Variants in SLC25A29 observed in about 807,000 individuals in gnomAD.
SLC25A29 encodes the protein mitochondrial basic amino acids transporter.
Under a neutral mutation model 10.0 loss-of-function variants are expected in SLC25A29, and 13 were observed. That is an observed-to-expected ratio of 1.30 (90% CI 0.85 to 2.07). SLC25A29 has a LOEUF of 2.07. SLC25A29 is among the 30% of genes most tolerant of loss of function. The pLI, the probability that SLC25A29 is intolerant of heterozygous loss-of-function variation, is 0.00. For synonymous variants in SLC25A29, 244 were observed against 221.1 expected, an observed-to-expected ratio of 1.10 and a Z score of -0.92; for missense variants, 475 against 447.6, an observed-to-expected ratio of 1.06 and a Z score of -0.55.
rs1484981589 is a variant in SLC25A29, at chr14:100,292,409, G to A, written c.786C>T (p.Asn262=). 15 of 1,576,046 alleles carry A rather than the reference G, an allele frequency of 9.5e-6. No homozygotes were observed. Among genetic ancestry groups the A allele is most frequent in the South Asian group, 2.3e-5 (2 of 86,768 alleles). Reference sequence around the variant, plus strand: ...CCGTGACGGTGGCGAAGGTGGCAGCGTTGACGGGGAAGGCGCGCAGCAGCG... The same window carrying A: ...CCGTGACGGTGGCGAAGGTGGCAGCATTGACGGGGAAGGCGCGCAGCAGCG... ...ASTLLRAFPV[N]AATFATVTVV... The change falls in exon 4 of 4, where the codon AAC becomes AAT. Residue 262 remains asparagine, a synonymous_variant. Coordinates refer to ENST00000359232, the MANE Select transcript of SLC25A29 (RefSeq NM_001039355.3).
rs1442732573 is a variant in SLC25A29 at position 100,292,352 on chromosome 14, G to A, written c.843C>T (p.Ala281=). 3.3e-6 allele frequency: 5 copies of A among 1,501,056 alleles called. No individual in the cohort carries two copies. The highest frequency in any genetic ancestry group is 2.4e-5 in the Admixed American group (1 of 42,214). The allele number at this position is 1,501,056 out of a possible 1,614,324, so 93.0% of individuals were successfully genotyped here. ...VVLTYARGEE[A]GPEGEAVPAA... ...CGGGCACAGCCTCGCCCTCGGGCCCGGCCTCCTCGCCGCGCGCGTAGGTGA... is the reference window on the plus strand; with the variant it reads ...CGGGCACAGCCTCGCCCTCGGGCCCAGCCTCCTCGCCGCGCGCGTAGGTGA... The change falls in exon 4 of 4, where the codon GCC becomes GCT. Residue 281 remains alanine (A), a synonymous_variant. Coordinates refer to ENST00000359232, the MANE Select transcript of SLC25A29 (RefSeq NM_001039355.3).
At chr14:100,299,229 ATTAAT>A in intron 1 of SLC25A29, 2 of 1,147,778 alleles carry the variant, frequency 1.7e-6, no homozygotes, top group Admixed American at 4.5e-5. Context: ...GGGATATCCC[ATTAAT>A]CCAAACACCT....
the SLC25A29 span, among the ~76,000 whole-genome samples, chr14:100,284,984 A>G: frequency 7.2e-6 from 1 of 139,026 alleles, no homozygotes; most frequent in Non-Finnish European, 1.5e-5. Flanking sequence ...GGTTGCTGTG[A>G]GCCAAGATCG....
chr14:100,300,707 C>G (rs7151517), intron 1 of SLC25A29, among the ~76,000 whole-genome samples: 104,861 of 152,042 alleles, frequency 0.69, 36,376 homozygotes, highest in East Asian at 0.73. Context: ...TTACTATCTT[C>G]TTTTAGATGT....
the SLC25A29 span, among the ~76,000 whole-genome samples, chr14:100,283,368 G>A: frequency 1.3e-5 from 2 of 152,296 alleles, no homozygotes; most frequent in South Asian, 2.1e-4. Flanking sequence ...GTGGCAAGTC[G>A]CAGGCCTGTG....
chr14:100,293,039 G>C lies in SLC25A29; in HGVS notation c.163-7C>G. 1 of 1,524,704 alleles carries C rather than the reference G, an allele frequency of 6.6e-7. No individual in the cohort carries two copies. Among genetic ancestry groups the C allele is most frequent in the East Asian group, 2.3e-5 (1 of 43,306 alleles). The allele number at this position is 1,524,704 out of a possible 1,614,324, so 94.4% of individuals were successfully genotyped here. ...CCTTGTACAGGCCCAGCACCTGCGGGGACAGAGACGCCATCAGAGCCGGCA... is the reference window on the plus strand; with the variant it reads ...CCTTGTACAGGCCCAGCACCTGCGGCGACAGAGACGCCATCAGAGCCGGCA... On this transcript the variant is annotated splice_region_variant and splice_polypyrimidine_tract_variant and intron_variant, in intron 3 of 3. Coordinates refer to ENST00000359232, the MANE Select transcript of SLC25A29 (RefSeq NM_001039355.3).
At chr14:100,300,362 G>A (rs2139765722) in intron 1 of SLC25A29, among the ~76,000 whole-genome samples, 1 of 152,278 alleles carries the variant, frequency 6.6e-6, no homozygotes, top group African/African-American at 2.4e-5. Flanking sequence ...TGACTGGTAT[G>A]GTTTTGTCCA....
At chr14:100,300,666 C>T (rs936092987) in intron 1 of SLC25A29, among the ~76,000 whole-genome samples, 1 of 152,176 alleles carries the variant, frequency 6.6e-6, no homozygotes, top group Non-Finnish European at 1.5e-5. Context: ...ACATGAGCCA[C>T]TGTGCCCAAT....
intron 1 of SLC25A29, among the ~76,000 whole-genome samples, chr14:100,303,043 G>A (rs1479164494): frequency 6.6e-6 from 1 of 152,142 alleles, no homozygotes; most frequent in African/African-American, 2.4e-5. Context: ...ACATTCACAG[G>A]TGAATGAAGA....
the SLC25A29 span, among the ~76,000 whole-genome samples, chr14:100,283,221 C>T: frequency 6.6e-6 from 1 of 152,246 alleles, no homozygotes; most frequent in African/African-American, 2.4e-5. Flanking sequence ...AGCTTCCTCC[C>T]TCTGGTTGGG....
At position 100,305,956 on chromosome 14, in the gene SLC25A29, G is replaced by C. The variant is rs564609839; in HGVS notation, c.34+243C>G. The C allele has an allele frequency of 3.5e-5, 14 of 397,172 alleles. No individual in the cohort carries two copies. In the East Asian group the frequency reaches 5.0e-4, roughly 14 times the overall value. The allele number at this position is 397,172 out of a possible 1,614,324, so 24.6% of individuals were successfully genotyped here. A position where few individuals can be genotyped will look rare whatever the true frequency, so the allele number is the denominator to read the frequency against. ...CTCCGCTCAGCCACGGTGCTGCCCC[G>C]GCGCCCCAGACCTCCCGTCCGAGCG... is the stretch of plus-strand genomic sequence containing the variant. On this transcript the variant is annotated intron_variant, in intron 1 of 3. Coordinates refer to ENST00000359232, the MANE Select transcript of SLC25A29 (RefSeq NM_001039355.3).
At chr14:100,300,591 G>A (rs1251949112) in intron 1 of SLC25A29, among the ~76,000 whole-genome samples, 1 of 152,064 alleles carries the variant, frequency 6.6e-6, no homozygotes, top group Non-Finnish European at 1.5e-5. Context: ...ATGCTGCCCA[G>A]GCTTTGTTCA....
At chr14:100,290,962 C>T (rs1217041213), downstream of SLC25A29, 10 of 152,354 alleles carry the variant, frequency 6.6e-5, no homozygotes, top group African/African-American at 2.2e-4. Context: ...AGAAAACAGG[C>T]TCTCAGATGT....
chr14:100,283,214 TTCC>T, the SLC25A29 span, among the ~76,000 whole-genome samples: 1 of 152,220 alleles, frequency 6.6e-6, no homozygotes, highest in African/African-American at 2.4e-5. Flanking sequence ...AGAGCAGAGC[TTCC>T]TCCCTCTGGT....
chr14:100,292,968 A>G lies in SLC25A29; in HGVS notation c.227T>C (p.Val76Ala), dbSNP rs951307562. The G allele has an allele frequency of 1.2e-6, 2 of 1,600,782 alleles. No individual in the cohort carries two copies. Among genetic ancestry groups the G allele is most frequent in the African/African-American group, 2.7e-5 (2 of 74,792 alleles). ...LMGLTFINAL[V>A]FGVQGNTLRA... ...GAGGGTGTTGCCCTGCACCCCGAAC[A>G]CCAGCGCGTTGATGAAGGTGAGCCC... Residue 76 changes from valine (V) to alanine (A), a missense_variant, in exon 4 of 4, where the codon GTG becomes GCG. By Grantham distance (64) the Val-to-Ala change is moderately conservative. Transcript: ENST00000359232.
chr14:100,299,260 C>T, intron 1 of SLC25A29: 1 of 1,064,274 alleles, frequency 9.4e-7, no homozygotes. Flanking sequence ...GGGCAGGAGG[C>T]TCCAGAGATG....
chr14:100,289,573 T>C (rs1414533598), downstream of SLC25A29, among the ~76,000 whole-genome samples: 3 of 152,190 alleles, frequency 2.0e-5, no homozygotes, highest in African/African-American at 7.2e-5. Flanking sequence ...CCGGGCGCAG[T>C]GGCTCACACC....
chr14:100,287,419 C>T (rs1566788052), downstream of SLC25A29, among the ~76,000 whole-genome samples: 1 of 152,238 alleles, frequency 6.6e-6, no homozygotes, highest in Admixed American at 6.5e-5. Context: ...CCCTTTCCCA[C>T]CCCAGAGACA....
chr14:100,285,506 C>T, the SLC25A29 span, among the ~76,000 whole-genome samples: 1 of 151,662 alleles, frequency 6.6e-6, no homozygotes, highest in African/African-American at 2.4e-5. Context: ...GCGGCCCGGA[C>T]CTCGCGGGGA....
Sources: gnomAD v4.1 joint callset for allele counts (sites outside exome capture counted in the v4.1 genomes callset) on GRCh38, gnomAD v4.1.1 for gene constraint, MANE v1.5 for transcripts, NCBI Gene and HGNC (gene_info 2026-07-23, HGNC 2026-07-21) for gene names.